TSPEAR: variants seen among roughly 807,000 people sequenced by gnomAD.
TSPEAR encodes thrombospondin type laminin G domain and EAR repeats.
In TSPEAR, 69 loss-of-function variants were observed where a neutral mutation model predicts 71.6. The ratio of observed to expected loss-of-function variants is 0.96; its 90% confidence interval spans 0.79 to 1.18. The LOEUF is 1.18. Among genes scored for constraint, TSPEAR ranks in the 50% most tolerant of loss-of-function variants. TSPEAR has a pLI of 0.00. For missense variants in TSPEAR, 971 were observed against 894.9 expected (o/e 1.09, Z -1.09); for synonymous variants, 402 against 387.2 (o/e 1.04, Z -0.45).
At chr21:44,540,220 G>A in intron 2 of TSPEAR, 2 of 1,574,482 alleles carry the variant, frequency 1.3e-6, no homozygotes, top group Admixed American at 1.7e-5. Flanking sequence ...GTGTGTGTGA[G>A]TGACTGAGTG....
Position 44,546,483 on chromosome 21 carries a change from C to T in TSPEAR, c.304-12560G>A, listed in dbSNP as rs1324956347. ...CTGAGTAGCTGGGACTACAGGCTCC[C>T]GCCACCAGGCCCGGCTAATTTTTTG... On this transcript the variant is annotated intron_variant, in intron 2 of 11. Coordinates refer to ENST00000323084, the MANE Select transcript of TSPEAR (RefSeq NM_144991.3). This position sits in a 1 kb window ranked among gnomAD's most constrained non-coding sequence, Gnocchi z 4.4. Among the ~76,000 whole-genome samples the T allele has an allele frequency of 2.6e-5, 4 of 152,316 alleles. No homozygotes were observed. Among genetic ancestry groups the T allele is most frequent in the South Asian group, 2.1e-4 (1 of 4,818 alleles).
At chr21:44,560,488 T>C (rs1555920838) in intron 2 of TSPEAR, among the ~76,000 whole-genome samples, 1 of 152,204 alleles carries the variant, frequency 6.6e-6, no homozygotes, top group South Asian at 2.1e-4. Flanking sequence ...ATGGACCTAA[T>C]AGACATCTGC....
intron 1 of TSPEAR, among the ~76,000 whole-genome samples, chr21:44,703,873 C>T (rs782545199): frequency 6.6e-6 from 1 of 152,152 alleles, no homozygotes; most frequent in Non-Finnish European, 1.5e-5. Flanking sequence ...CTCCACACCA[C>T]ACCAGTGCCA....
Position 44,508,603 on chromosome 21 carries a change from T to C in TSPEAR, c.1754+596A>G, listed in dbSNP as rs1280060056. 2.5e-5 allele frequency: 29 copies of C among 1,180,908 alleles called. No individual in the cohort carries two copies. In the Admixed American group the frequency reaches 9.7e-4, roughly 40 times the overall value. 73.2% of individuals were successfully genotyped at this position (1,180,908 alleles called of 1,614,324 possible). A position where few individuals can be genotyped will look rare whatever the true frequency, so the allele number is the denominator to read the frequency against. ...GGTTGTGGATTCTCAGTGCCCACTG[T>C]CCAAAATGTGGTGCCCACGCAACCT... On this transcript the variant is annotated intron_variant, in intron 10 of 11. Coordinates refer to ENST00000323084, the MANE Select transcript of TSPEAR (RefSeq NM_144991.3).
At chr21:44,524,240 T>C (rs1191798995) in intron 8 of TSPEAR, among the ~76,000 whole-genome samples, 4 of 150,742 alleles carry the variant, frequency 2.7e-5, no homozygotes, top group African/African-American at 9.8e-5. Context: ...GTCAGTGAGG[T>C]AGTCCATCAG....
At chr21:44,613,733 G>A (rs1260720368) in intron 1 of TSPEAR, among the ~76,000 whole-genome samples, 1 of 152,172 alleles carries the variant, frequency 6.6e-6, no homozygotes, top group Non-Finnish European at 1.5e-5. Context: ...TCTTGATGGA[G>A]ACAAAAGCAT....
At position 44,711,458 on chromosome 21, in the gene TSPEAR, GC is replaced by G. The variant is rs781795716; in HGVS notation, c.56del (p.Gly19AlafsTer32). 1.2e-6 allele frequency: 2 copies of G among 1,610,452 alleles called. No homozygotes were observed. The highest frequency in any genetic ancestry group is 1.7e-6 in the Non-Finnish European group (2 of 1,178,880). Reference protein sequence around the residue: ...FVLPLAAPGHGTQGWEPCTDL... With the variant: ...FVLPLAAPGHXTQGWEPCTDL... Reference sequence around the variant, plus strand: ...CTGTGCAGGGCTCCCAACCCTGCGTGCCGTGGCCGGGGGCCGCCAGGGGCAG... The same window carrying G: ...CTGTGCAGGGCTCCCAACCCTGCGTGCGTGGCCGGGGGCCGCCAGGGGCAG... On this transcript the variant is annotated frameshift_variant, in exon 1 of 12. Coordinates refer to ENST00000323084, the MANE Select transcript of TSPEAR (RefSeq NM_144991.3). LOFTEE classifies it high-confidence loss of function. This position sits in a 1 kb window ranked among gnomAD's most constrained non-coding sequence, Gnocchi z 4.5.
rs146764633 is a variant in TSPEAR at position 44,528,022 on chromosome 21, C to T, written c.922+430G>A. Among the ~76,000 whole-genome samples the T allele has an allele frequency of 2.1e-3, 314 of 152,216 alleles. 3 individuals carry two copies. The highest frequency in any genetic ancestry group is 7.2e-3 in the African/African-American group (301 of 41,548). On this transcript the variant is annotated intron_variant, in intron 6 of 11. Transcript: ENST00000323084. ...CAGACAGGGAGGGTGTGGGCAGAGG[C>T]GGCAGCCGGGCCACCCTACCAAGGA...
intron 2 of TSPEAR, among the ~76,000 whole-genome samples, chr21:44,562,433 T>G (rs1257551925): frequency 6.6e-6 from 1 of 152,198 alleles, no homozygotes; most frequent in Non-Finnish European, 1.5e-5. Context: ...TTCAATGCTA[T>G]TCCCATCAAA....
chr21:44,708,082 C>A (rs900011112), intron 1 of TSPEAR, among the ~76,000 whole-genome samples: 5 of 147,548 alleles, frequency 3.4e-5, no homozygotes, highest in South Asian at 2.1e-4. Context: ...TGAGAGAGAG[C>A]GAGCGAGAGA....
At chr21:44,671,564 G>A (rs1407394951) in intron 1 of TSPEAR, among the ~76,000 whole-genome samples, 1 of 152,208 alleles carries the variant, frequency 6.6e-6, no homozygotes, top group East Asian at 1.9e-4. Flanking sequence ...CAGCCAAGCT[G>A]CTGAGGAAAT....
chr21:44,503,307 T>G (rs1268515227), intron 11 of TSPEAR, among the ~76,000 whole-genome samples: 232 of 98,820 alleles, frequency 2.3e-3, no homozygotes, highest in Middle Eastern at 0.022. Context: ...GAAGCAAGGC[T>G]CTGGGAGGAG....
In TSPEAR at chr21:44,499,489, G is replaced by T; in HGVS notation, c.*294C>A. ...TTTGAGGTAAAAATGTATAGAAACG[G>T]TTCCTTGACAGCGAAATCCCCGCTT... On this transcript the variant is annotated 3_prime_UTR_variant, in exon 12 of 12. Coordinates refer to ENST00000323084, the MANE Select transcript of TSPEAR (RefSeq NM_144991.3). The T allele has an allele frequency of 2.5e-6, 1 of 392,430 alleles. No homozygotes were observed. The highest frequency in any genetic ancestry group is 4.6e-6 in the Non-Finnish European group (1 of 217,940). The allele number at this position is 392,430 out of a possible 1,614,324, so 24.3% of individuals were successfully genotyped here.
At chr21:44,666,689 C>T (rs1985786961) in intron 1 of TSPEAR, 1 of 1,613,812 alleles carries the variant, frequency 6.2e-7, no homozygotes, top group African/African-American at 1.3e-5. Flanking sequence ...AGCTCATGGG[C>T]ACACACACAG....
intron 1 of TSPEAR, chr21:44,638,082 G>T: frequency 1.9e-6 from 3 of 1,613,464 alleles, no homozygotes; most frequent in African/African-American, 1.3e-5. Context: ...AGCTGCTGCC[G>T]CACGGCCTCC....
intron 1 of TSPEAR, among the ~76,000 whole-genome samples, chr21:44,578,355 G>T (rs403940): frequency 0.92 from 140,307 of 152,254 alleles, 65,031 homozygotes; most frequent in Non-Finnish European, 0.97. Context: ...ATAGAAAATC[G>T]GAATAGCCCT....
intron 9 of TSPEAR, chr21:44,517,820 C>T (rs1555913671): frequency 2.1e-6 from 1 of 471,240 alleles, no homozygotes; most frequent in Admixed American, 2.3e-5. Context: ...TGCCGCGGCT[C>T]CTGTGTGCTT....
At chr21:44,522,273 G>A (rs939989330) in intron 8 of TSPEAR, among the ~76,000 whole-genome samples, 161 bp from the exon 9 acceptor site, 8 of 152,160 alleles carry the variant, frequency 5.3e-5, no homozygotes, top group South Asian at 4.1e-4. Context: ...TGAGCCTCCC[G>A]CCCTCAGCCC....
chr21:44,648,088 C>T (rs1489537614), intron 1 of TSPEAR, among the ~76,000 whole-genome samples: 1 of 152,198 alleles, frequency 6.6e-6, no homozygotes, highest in African/African-American at 2.4e-5. Flanking sequence ...AGTTTGAGGG[C>T]CACTCTGTGT....
Sources: allele counts gnomAD v4.1 joint callset (sites outside exome capture counted in the v4.1 genomes callset), GRCh38; gene constraint gnomAD v4.1.1; non-coding constraint Gnocchi (gnomAD v3.1); transcripts MANE v1.5; gene names NCBI Gene and HGNC (gene_info 2026-07-23, HGNC 2026-07-21).